Variants in LBR observed in about 807,000 individuals in gnomAD.
LBR encodes delta(14)-sterol reductase LBR.
Under a neutral mutation model 74.3 loss-of-function variants are expected in LBR, and 28 were observed. The ratio of observed to expected loss-of-function variants is 0.38; its 90% CI spans 0.28 to 0.52. The LOEUF (loss-of-function observed/expected upper bound fraction) is 0.52. LBR is among the 20% of genes least tolerant of loss of function. The probability of loss-of-function intolerance (pLI) is 0.89; values close to 1 mark genes in which losing one functional copy is unlikely to be tolerated. For missense variants in LBR, 717 were observed against 760.3 expected (o/e 0.94, Z 0.67); for synonymous variants, 228 against 269.3 (o/e 0.85, Z 1.50).
At chr1:225,403,859 TGCTCCCCCAGTTCCCCCA>T (rs1439218203) in intron 13 of LBR, among the ~76,000 whole-genome samples, 2 of 37,722 alleles carry the variant, frequency 5.3e-5, no homozygotes, top group African/African-American at 2.2e-4. Context: ...TGGATCCCCC[TGCTCCCCCAGTTCCCCCA>T]GCTCCCCCAG....
At chr1:225,403,887 G>A (rs2096086117) in intron 13 of LBR, among the ~76,000 whole-genome samples, 3 of 25,014 alleles carry the variant, frequency 1.2e-4, no homozygotes, top group Non-Finnish European at 2.3e-4. Context: ...AGCTCCCCCA[G>A]CTTCCCAAGA....
At position 225,403,280 on chromosome 1, in the gene LBR, T is replaced by G. The variant is rs769291635; in HGVS notation, c.*23A>C. 13 of 1,611,672 alleles carry G rather than the reference T, an allele frequency of 8.1e-6. No homozygotes were observed. The highest frequency in any genetic ancestry group is 6.7e-5 in the Admixed American group (4 of 59,990). On this transcript the variant is annotated 3_prime_UTR_variant, in exon 14 of 14. Transcript: ENST00000272163. Reference sequence around the variant, plus strand: ...ATGGCAGCTGGAATTGCAGGAGTATTTTGTAGAAAAGCCAGAAGAGCATTA... The same window carrying G: ...ATGGCAGCTGGAATTGCAGGAGTATGTTGTAGAAAAGCCAGAAGAGCATTA...
chr1:225,411,935 G>C (rs189381671), intron 8 of LBR, among the ~76,000 whole-genome samples: 1 of 152,120 alleles, frequency 6.6e-6, no homozygotes, highest in Non-Finnish European at 1.5e-5. Context: ...TCAGCCTCCC[G>C]AGTAGATGGG....
intron 11 of LBR, 168 bp downstream of exon 11, chr1:225,406,496 C>T (rs2096091925): frequency 3.3e-6 from 2 of 609,996 alleles, no homozygotes; most frequent in African/African-American, 3.7e-5. Flanking sequence ...ACGAACCATC[C>T]ATTCTCTTTG....
chr1:225,406,932 G>T (rs756655116), intron 10 of LBR, 100 bp from the exon 11 acceptor site: 5 of 1,144,628 alleles, frequency 4.4e-6, no homozygotes, highest in Non-Finnish European at 6.5e-6. Flanking sequence ...TGCTATGGGC[G>T]GGTCCACAAT....
At chr1:225,406,916 A>G (rs988833113) in intron 10 of LBR, 84 bp from the exon 11 acceptor site, 1 of 1,345,732 alleles carries the variant, frequency 7.4e-7, no homozygotes, top group Admixed American at 1.8e-5. Flanking sequence ...AGGCAAATGT[A>G]AAAAGTGCTA....
chr1:225,419,038 C>T (rs1202777217), intron 5 of LBR, among the ~76,000 whole-genome samples: 1 of 152,344 alleles, frequency 6.6e-6, no homozygotes, highest in Non-Finnish European at 1.5e-5. Context: ...AAGTTTTAAA[C>T]ACAGCTACAA....
chr1:225,418,951 T>C (rs2096122562), intron 5 of LBR, among the ~76,000 whole-genome samples: 1 of 152,248 alleles, frequency 6.6e-6, no homozygotes, highest in Non-Finnish European at 1.5e-5. Flanking sequence ...CCATCTATGC[T>C]ATACAAACTC....
At chr1:225,422,338 C>G (rs2096129224) in intron 2 of LBR, 61 bp from the exon 3 acceptor site, 18 of 1,342,340 alleles carry the variant, frequency 1.3e-5, no homozygotes, top group Non-Finnish European at 1.9e-5. Flanking sequence ...CAGACAGACC[C>G]ACACTAGAAG....
chr1:225,402,983 C>A lies in LBR; in HGVS notation c.*320G>T. 1.7e-5 allele frequency: 4 copies of A among 238,050 alleles called. No homozygotes were observed. Among genetic ancestry groups the A allele is most frequent in the South Asian group, 1.5e-4 (2 of 13,140 alleles). The allele number at this position is 238,050 out of a possible 1,614,324, so 14.7% of individuals were successfully genotyped here. On this transcript the variant is annotated 3_prime_UTR_variant, in exon 14 of 14. Coordinates refer to ENST00000272163, the MANE Select transcript of LBR (RefSeq NM_002296.4). ...CAAAATTTGAAAAGTAATCAGAAAC[C>A]ATAAACATCAATAGCATTCTTCACA...
At position 225,403,456 on chromosome 1, in the gene LBR, G is replaced by A; in HGVS notation, c.1695C>T (p.Asn565=). Residue 565 remains asparagine, a synonymous_variant, in exon 14 of 14, where the codon AAC becomes AAT. Coordinates refer to ENST00000272163, the MANE Select transcript of LBR (RefSeq NM_002296.4). The stretch of plus-strand genomic sequence containing the variant: ...TTATGTAGAAATAAGGCAGAATGTG[G>A]TTAAAACCTGTGGATAATAATAGTA... The part of the protein sequence containing the change: ...ALAWSLPCGF[N]HILPYFYIIY... 1 of 1,607,148 alleles carries A rather than the reference G, an allele frequency of 6.2e-7. No individual in the cohort carries two copies. Among genetic ancestry groups the A allele is most frequent in the East Asian group, 2.2e-5 (1 of 44,846 alleles).
At chr1:225,422,897 G>A (rs1045952448) in intron 2 of LBR, among the ~76,000 whole-genome samples, 1 of 152,208 alleles carries the variant, frequency 6.6e-6, no homozygotes, top group African/African-American at 2.4e-5. Context: ...AGTATTTCCT[G>A]AAGTGTGAAA....
In LBR at chr1:225,401,718, GCCA is replaced by G. The variant is rs1245367430; in HGVS notation, c.*1582_*1584del. On this transcript the variant is annotated 3_prime_UTR_variant, in exon 14 of 14. Transcript: ENST00000272163. ...CTTGGTGCAATCCAGTACAGAAAAC[GCCA>G]CCACTTTCTGATGCCAGGAGAAAAG... is the stretch of plus-strand genomic sequence containing the variant. 1 of 152,012 alleles carries G rather than the reference GCCA, an allele frequency of 6.6e-6. No individual in the cohort carries two copies. The highest frequency in any genetic ancestry group is 1.5e-5 in the Non-Finnish European group (1 of 68,018). The allele number at this position is 152,012 out of a possible 1,614,324, so 9.4% of individuals were successfully genotyped here.
At chr1:225,424,331 T>C (rs538320758) in intron 1 of LBR, among the ~76,000 whole-genome samples, 107 of 152,338 alleles carry the variant, frequency 7.0e-4, no homozygotes, top group African/African-American at 2.4e-3. Flanking sequence ...GTTCACACTA[T>C]GTAAAATGTT....
intron 11 of LBR, among the ~76,000 whole-genome samples, chr1:225,406,074 C>T (rs1158932019): frequency 6.6e-6 from 1 of 152,206 alleles, no homozygotes; most frequent in Non-Finnish European, 1.5e-5. Context: ...TCATCTCACA[C>T]TTCCCCACCA....
At chr1:225,415,402 A>G in intron 6 of LBR, 70 bp from the exon 7 acceptor site, 1 of 746,806 alleles carries the variant, frequency 1.3e-6, no homozygotes, top group Non-Finnish European at 2.3e-6. Context: ...ACACACACAC[A>G]TATATATATT....
intron 6 of LBR, among the ~76,000 whole-genome samples, chr1:225,416,172 G>A (rs2096116660): frequency 6.6e-6 from 1 of 151,452 alleles, no homozygotes; most frequent in Non-Finnish European, 1.5e-5. Flanking sequence ...ACTCCAGCCT[G>A]GGCAACAGAG....
chr1:225,416,150 T>C (rs1005324320), intron 6 of LBR, among the ~76,000 whole-genome samples: 3 of 151,116 alleles, frequency 2.0e-5, no homozygotes, highest in African/African-American at 4.9e-5. Flanking sequence ...AGGTTGCAGA[T>C]TGCACCACTG....
At chr1:225,420,178 C>G (rs1056732190) in intron 3 of LBR, among the ~76,000 whole-genome samples, 1 of 151,964 alleles carries the variant, frequency 6.6e-6, no homozygotes, top group African/African-American at 2.4e-5. Flanking sequence ...CGCACGGTAG[C>G]GGGCACCTGT....
Sources: allele counts gnomAD v4.1 joint callset (sites outside exome capture counted in the v4.1 genomes callset), GRCh38; gene constraint gnomAD v4.1.1; transcripts MANE v1.5; gene names NCBI Gene and HGNC (gene_info 2026-07-23, HGNC 2026-07-21).